The following NUP153 variants were observed in gnomAD, a reference collection of about 807,000 sequenced individuals.
NUP153 encodes nuclear pore complex protein Nup153.
In NUP153, 27 loss-of-function variants were observed where a neutral mutation model predicts 134.6. The observed-to-expected ratio is 0.20, with a 90% CI of 0.15 to 0.28. The LOEUF (loss-of-function observed/expected upper bound fraction) is 0.28. Among genes scored for constraint, NUP153 ranks in the 10% least tolerant of loss-of-function variants. The pLI is 1.00. For synonymous variants in NUP153, 640 were observed against 623.5 expected (o/e 1.03, Z -0.40); for missense variants, 1,821 against 1,731.3 (o/e 1.05, Z -0.92).
At chr6:17,624,426 A>T (rs1395274519) in intron 20 of NUP153, 135 bp downstream of exon 20, 2 of 793,268 alleles carry the variant, frequency 2.5e-6, no homozygotes, top group Admixed American at 2.7e-5. Flanking sequence ...AAATCCAACC[A>T]TATTACCTCT....
At chr6:17,703,823 T>C (rs1399774717) in intron 1 of NUP153, among the ~76,000 whole-genome samples, 3 of 152,108 alleles carry the variant, frequency 2.0e-5, no homozygotes, top group Non-Finnish European at 2.9e-5. Flanking sequence ...TTTAATTAAA[T>C]AGGACAAGAA....
At chr6:17,644,527 C>T (rs777350821) in intron 14 of NUP153, among the ~76,000 whole-genome samples, 3 of 152,204 alleles carry the variant, frequency 2.0e-5, no homozygotes, top group Non-Finnish European at 4.4e-5. Context: ...TGTTCCTGTG[C>T]CCTTGAGCTT....
chr6:17,693,312 T>C (rs1338111002), intron 1 of NUP153, among the ~76,000 whole-genome samples: 1 of 152,056 alleles, frequency 6.6e-6, no homozygotes, highest in Non-Finnish European at 1.5e-5. Flanking sequence ...CACTACCAAC[T>C]GGTTTCTGGT....
At chr6:17,666,880 C>A (rs1013347382) in intron 8 of NUP153, among the ~76,000 whole-genome samples, 1 of 152,198 alleles carries the variant, frequency 6.6e-6, no homozygotes, top group African/African-American at 2.4e-5. Flanking sequence ...CAGGGCAAAG[C>A]CTCTGTATGG....
At chr6:17,693,987 C>T (rs142989255) in intron 1 of NUP153, among the ~76,000 whole-genome samples, 105 of 152,302 alleles carry the variant, frequency 6.9e-4, no homozygotes, top group Middle Eastern at 3.4e-3. Flanking sequence ...TCTCATTTTG[C>T]TTCCCAGCTT....
intron 20 of NUP153, among the ~76,000 whole-genome samples, chr6:17,617,679 T>C (rs1271722916): frequency 6.6e-6 from 1 of 151,704 alleles, no homozygotes; most frequent in African/African-American, 2.4e-5. Flanking sequence ...CCTATCTCTA[T>C]AAAAAATTTT....
chr6:17,635,851 AAGG>A (rs1237014311), intron 16 of NUP153, among the ~76,000 whole-genome samples: 2 of 152,254 alleles, frequency 1.3e-5, no homozygotes, highest in Admixed American at 1.3e-4. Flanking sequence ...TCATCATTGA[AAGG>A]AGGACATCCA....
intron 14 of NUP153, among the ~76,000 whole-genome samples, chr6:17,644,446 G>C (rs1186247458): frequency 6.6e-6 from 1 of 152,096 alleles, no homozygotes; most frequent in Admixed American, 6.6e-5. Flanking sequence ...AGAACTTTTA[G>C]GATTTAAAGC....
intron 2 of NUP153, among the ~76,000 whole-genome samples, chr6:17,678,675 G>A (rs952198596): frequency 6.6e-6 from 1 of 152,130 alleles, no homozygotes; most frequent in Non-Finnish European, 1.5e-5. Flanking sequence ...TGGACACAGT[G>A]GCTCACGCCT....
intron 2 of NUP153, among the ~76,000 whole-genome samples, chr6:17,685,764 C>G (rs1768887407): frequency 6.6e-6 from 1 of 151,906 alleles, no homozygotes; most frequent in African/African-American, 2.4e-5. Context: ...GAATACTATA[C>G]TTGGTAATGA....
chr6:17,631,578 G>A (rs536145088), intron 17 of NUP153, among the ~76,000 whole-genome samples: 1 of 152,252 alleles, frequency 6.6e-6, no homozygotes, highest in East Asian at 1.9e-4. Flanking sequence ...CAACTTATAA[G>A]TAAGAAGATG....
In NUP153 at chr6:17,628,849, A is replaced by C. The variant is rs755234862; in HGVS notation, c.3350T>G (p.Val1117Gly). 1 of 1,614,146 alleles carries C rather than the reference A, an allele frequency of 6.2e-7. No individual in the cohort carries two copies. The highest frequency in any genetic ancestry group is 2.2e-5 in the East Asian group (1 of 44,886). The stretch of plus-strand genomic sequence containing the variant: ...TTCATTGTCAGCTTTCTTCCCAAAA[A>C]CTAGGGAAGTAGAAGTGACAGGCTC... ...QQEPVTSTSL[V>G]FGKKADNEEP... Residue 1117 changes from valine to glycine, a missense_variant, in exon 18 of 22, where the codon GTT becomes GGT. Transcript: ENST00000262077. The surrounding 1 kb of genome is among the most constrained non-coding windows in gnomAD (Gnocchi z 5.4).
At chr6:17,698,545 C>T (rs1220745035) in intron 1 of NUP153, among the ~76,000 whole-genome samples, 8 of 152,068 alleles carry the variant, frequency 5.3e-5, no homozygotes, top group Admixed American at 2.6e-4. Flanking sequence ...GAGACCATCC[C>T]GGCTAACATG....
intron 11 of NUP153, among the ~76,000 whole-genome samples, chr6:17,656,140 G>A (rs1000580468): frequency 2.1e-5 from 3 of 144,320 alleles, no homozygotes; most frequent in Non-Finnish European, 3.2e-5. Context: ...AGGAGGTGGA[G>A]GTTGCAGTGA....
intron 2 of NUP153, among the ~76,000 whole-genome samples, chr6:17,687,830 C>T (rs989186819): frequency 7.2e-5 from 11 of 152,094 alleles, no homozygotes; most frequent in African/African-American, 2.7e-4. Flanking sequence ...AAAGGATAGG[C>T]TTGGCTGGGC....
At chr6:17,699,687 T>C (rs1769922227) in intron 1 of NUP153, among the ~76,000 whole-genome samples, 1 of 151,252 alleles carries the variant, frequency 6.6e-6, no homozygotes, top group South Asian at 2.1e-4. Context: ...AATACAAAAA[T>C]AGCCAGGCGT....
intron 20 of NUP153, among the ~76,000 whole-genome samples, chr6:17,618,643 G>A (rs1437022258): frequency 1.3e-5 from 2 of 149,122 alleles, no homozygotes; most frequent in African/African-American, 5.0e-5. Context: ...TCAGCTCACT[G>A]CAAGCTCCAC....
chr6:17,640,286 A>G (rs953494465), intron 14 of NUP153, among the ~76,000 whole-genome samples: 1 of 152,218 alleles, frequency 6.6e-6, no homozygotes, highest in Non-Finnish European at 1.5e-5. Context: ...ACCAATAAAA[A>G]GGCAAAAAAA....
chr6:17,646,171 T>C lies in NUP153; in HGVS notation c.1633-17A>G. 2.2e-6 allele frequency: 3 copies of C among 1,366,766 alleles called. No homozygotes were observed. Among genetic ancestry groups the C allele is most frequent in the Non-Finnish European group, 3.1e-6 (3 of 958,914 alleles). The allele number at this position is 1,366,766 out of a possible 1,614,324, so 84.7% of individuals were successfully genotyped here. On this transcript the variant is annotated splice_polypyrimidine_tract_variant and intron_variant, in intron 13 of 21. Coordinates refer to ENST00000262077, the MANE Select transcript of NUP153 (RefSeq NM_005124.4). ...AAATCCAATCTGTAAAGAGAAAGAA[T>C]ATCCTTATACTTCGTTTTCAATAAG...
Sources: gnomAD v4.1 joint callset for allele counts (sites outside exome capture counted in the v4.1 genomes callset) on GRCh38, gnomAD v4.1.1 for gene constraint, Gnocchi (gnomAD v3.1) non-coding constraint, MANE v1.5 for transcripts, NCBI Gene and HGNC (gene_info 2026-07-23, HGNC 2026-07-21) for gene names.